SLC27A4: variants seen among roughly 807,000 people sequenced by gnomAD.
SLC27A4 encodes solute carrier family 27 member 4.
SLC27A4 carries 33 observed loss-of-function variants against 64.4 expected under a neutral mutation model. The observed-to-expected ratio is 0.51, with a 90% CI of 0.39 to 0.68. The LOEUF is 0.68. SLC27A4 is among the 30% of genes least tolerant of loss of function. The probability of loss-of-function intolerance (pLI) is 0.00; values close to 1 mark genes in which losing one functional copy is unlikely to be tolerated. For missense variants in SLC27A4, 824 were observed against 883.5 expected (o/e 0.93, Z 0.85); for synonymous variants, 377 against 370.0 (o/e 1.02, Z -0.22).
At position 128,360,409 on chromosome 9, in the gene SLC27A4, A is replaced by G. The variant is rs772501353; in HGVS notation, c.1850A>G (p.Tyr617Cys). Residue 617 changes from tyrosine to cysteine, a missense_variant, in exon 13 of 13, where the codon TAT becomes TGT. Physicochemically the swap from Tyr to Cys is radical, Grantham distance 194. Transcript: ENST00000300456. ...DPAIVKDPLF[Y>C]LDAQKGRYVP... is the part of the protein sequence containing the mutation. The stretch of plus-strand genomic sequence containing the variant: ...GCTATTGTGAAAGACCCGCTGTTCT[A>G]TCTAGATGCCCAGAAGGGCCGCTAC... The G allele has an allele frequency of 8.1e-6, 13 of 1,614,094 alleles. No individual in the cohort carries two copies. In the South Asian group the frequency reaches 1.1e-4, roughly 14 times the overall value.
Position 128,355,917 on chromosome 9 carries a change from ACCTG to A in SLC27A4, c.1774+126_1774+129del, listed in dbSNP as rs1482387235. ...GCCTGGCCGGGCAGTTGGTAAAGTG[ACCTG>A]CCTGTGTAGAGGTGAGCAGACGGGG... On this transcript the variant is annotated intron_variant, in intron 12 of 12. Coordinates refer to ENST00000300456, the MANE Select transcript of SLC27A4 (RefSeq NM_005094.4). 6.0e-6 allele frequency: 8 copies of A among 1,328,760 alleles called. No individual in the cohort carries two copies. In the African/African-American group the frequency reaches 1.0e-4, roughly 17 times the overall value. The allele number at this position is 1,328,760 out of a possible 1,614,324, so 82.3% of individuals were successfully genotyped here. A position where few individuals can be genotyped will look rare whatever the true frequency, so the allele number is the denominator to read the frequency against.
rs770914254 is a variant in SLC27A4, at chr9:128,355,797, G to T, written c.1774+1G>T. 3 of 1,612,964 alleles carry T rather than the reference G, an allele frequency of 1.9e-6. No homozygotes were observed. In the African/African-American group the frequency reaches 4.0e-5, roughly 22 times the overall value. ...CTCCTGCCTGAGCTGCACAAAACAG[G>T]TGTGTCCCTCCCCTGCTCCAGCTCT... On this transcript the variant is annotated splice_donor_variant, in intron 12 of 12. Coordinates refer to ENST00000300456, the MANE Select transcript of SLC27A4 (RefSeq NM_005094.4). LOFTEE classifies it high-confidence loss of function.
rs769493917 is a variant in SLC27A4 at position 128,348,625 on chromosome 9, C to T, written c.637C>T (p.Pro213Ser). 6.2e-7 allele frequency: 1 copy of T among 1,613,938 alleles called. No homozygotes were observed. The highest frequency in any genetic ancestry group is 2.2e-5 in the East Asian group (1 of 44,876). ...CTCCTGGGAGCCCGGTGCGGTGCCT[C>T]CAAGCACAGAACACCTGGACCCTCT... ...SGSWEPGAVP[P>S]STEHLDPLLK... The change falls in exon 4 of 13, where the codon CCA (proline) becomes TCA (serine). Residue 213 changes from proline to serine, a missense_variant. Physicochemically the swap from Pro to Ser is moderately conservative, Grantham distance 74. Transcript: ENST00000300456.
At chr9:128,355,932 G>A (rs1170718826) in intron 12 of SLC27A4, 136 bp downstream of exon 12, 2 of 1,160,372 alleles carry the variant, frequency 1.7e-6, no homozygotes, top group Admixed American at 3.6e-5. Flanking sequence ...CCTGTGTAGA[G>A]GTGAGCAGAC....
rs554396951 is a variant in SLC27A4, at chr9:128,357,631, C to G, written c.1774+1835C>G. Reference sequence around the variant, plus strand: ...GCAGTCGCCCACAAGGCAGCACCATCTTTCTATCTGTTGGCCCATTGGTGG... The same window carrying G: ...GCAGTCGCCCACAAGGCAGCACCATGTTTCTATCTGTTGGCCCATTGGTGG... On this transcript the variant is annotated intron_variant, in intron 12 of 12. Coordinates refer to ENST00000300456, the MANE Select transcript of SLC27A4 (RefSeq NM_005094.4). 4.7e-4 allele frequency among the ~76,000 whole-genome samples: 71 copies of G among 152,320 alleles called. 1 individual carries two copies. In the South Asian group the frequency reaches 0.012, roughly 26 times the overall value.
chr9:128,358,079 C>T (rs1250521702), intron 12 of SLC27A4, among the ~76,000 whole-genome samples: 1 of 152,176 alleles, frequency 6.6e-6, no homozygotes, highest in Non-Finnish European at 1.5e-5. Context: ...ACTTACTTGC[C>T]CCAAAATGGC....
intron 2 of SLC27A4, among the ~76,000 whole-genome samples, chr9:128,343,707 C>G (rs560699112): frequency 6.6e-6 from 1 of 152,318 alleles, no homozygotes; most frequent in Non-Finnish European, 1.5e-5. Flanking sequence ...AGCAGAGCCC[C>G]TACTCAGATG....
At position 128,355,180 on chromosome 9, in the gene SLC27A4, C is replaced by T; in HGVS notation, c.1452C>T (p.Ala484=). 1 of 1,613,632 alleles carries T rather than the reference C, an allele frequency of 6.2e-7. No individual in the cohort carries two copies. Among genetic ancestry groups the T allele is most frequent in the Non-Finnish European group, 8.5e-7 (1 of 1,179,846 alleles). ...AKDVFKKGDQ[A]YLTGDVLVMD... is the part of the protein sequence containing the mutation. The stretch of plus-strand genomic sequence containing the variant: ...ATGTCTTCAAGAAGGGGGACCAGGC[C>T]TACCTTACTGGTGGGTCCCCAGCCC... The change falls in exon 10 of 13, where the codon GCC becomes GCT. Residue 484 remains alanine (A), a synonymous_variant. Coordinates refer to ENST00000300456, the MANE Select transcript of SLC27A4 (RefSeq NM_005094.4).
At chr9:128,352,928 C>T in intron 7 of SLC27A4, 97 bp from the exon 8 acceptor site, 8 of 1,199,584 alleles carry the variant, frequency 6.7e-6, no homozygotes, top group Non-Finnish European at 9.7e-6. Flanking sequence ...ATGGCATGGC[C>T]AGCCCCTGGG....
At chr9:128,341,034 C>T (rs1832562955) in intron 1 of SLC27A4, among the ~76,000 whole-genome samples, 196 bp downstream of exon 1, 2 of 152,250 alleles carry the variant, frequency 1.3e-5, no homozygotes, top group South Asian at 2.1e-4. Flanking sequence ...AACTAGTCAC[C>T]CTCTTCTGGC....
Position 128,352,900 on chromosome 9 carries a change from G to A in SLC27A4, c.988-125G>A, listed in dbSNP as rs187935336. The A allele has an allele frequency of 5.5e-5, 60 of 1,086,362 alleles. 1 individual carries two copies. In the Admixed American group the frequency reaches 1.1e-3, roughly 20 times the overall value. The allele number at this position is 1,086,362 out of a possible 1,614,324, so 67.3% of individuals were successfully genotyped here. ...CCCATTGTTCAGATGGGAAGGCTGA[G>A]ACCCGGAGAGGGAAAGGATGGCATG... On this transcript the variant is annotated intron_variant, in intron 7 of 12. Coordinates refer to ENST00000300456, the MANE Select transcript of SLC27A4 (RefSeq NM_005094.4).
Position 128,351,018 on chromosome 9 carries a change from G to A in SLC27A4, c.877+443G>A, listed in dbSNP as rs528348967. Among the ~76,000 whole-genome samples the A allele has an allele frequency of 7.9e-5, 12 of 152,214 alleles. No homozygotes were observed. The South Asian group carries it at 8.3e-4, about 11-fold the overall frequency. The stretch of plus-strand genomic sequence containing the variant: ...TGAGGCAGGAGAATGGCGTGAACCC[G>A]GGAGGTGGAGCTTGCAGTGAGCCAA... On this transcript the variant is annotated intron_variant, in intron 6 of 12. Coordinates refer to ENST00000300456, the MANE Select transcript of SLC27A4 (RefSeq NM_005094.4).
At position 128,355,181 on chromosome 9, in the gene SLC27A4, T is replaced by TA; in HGVS notation, c.1454dup (p.Tyr485Ter). 6.2e-7 allele frequency: 1 copy of TA among 1,613,608 alleles called. No individual in the cohort carries two copies. The highest frequency in any genetic ancestry group is 8.5e-7 in the Non-Finnish European group (1 of 1,179,836). Residue 485 changes from tyrosine to a stop codon, truncating the protein, a stop_gained and frameshift_variant, in exon 10 of 13, where the codon TAC becomes TAAC. Transcript: ENST00000300456. LOFTEE classifies it high-confidence loss of function. ...TGTCTTCAAGAAGGGGGACCAGGCCTACCTTACTGGTGGGTCCCCAGCCCT... is the reference window on the plus strand; with the variant it reads ...TGTCTTCAAGAAGGGGGACCAGGCCTAACCTTACTGGTGGGTCCCCAGCCCT... ...KDVFKKGDQA[Y>*]LTGDVLVMDE...
chr9:128,349,825 C>T (rs1832707745), intron 4 of SLC27A4, among the ~76,000 whole-genome samples: 1 of 152,198 alleles, frequency 6.6e-6, no homozygotes, highest in Non-Finnish European at 1.5e-5. Context: ...CGGAAGCTAC[C>T]TCAACACCCC....
intron 9 of SLC27A4, among the ~76,000 whole-genome samples, chr9:128,354,005 A>G (rs1017099578): frequency 9.2e-5 from 14 of 151,670 alleles, no homozygotes; most frequent in Admixed American, 3.3e-4. Flanking sequence ...GGCCTCCCAA[A>G]GTGCTGGGAT....
At chr9:128,355,338 C>T in intron 10 of SLC27A4, 60 bp from the exon 11 acceptor site, 1 of 1,609,330 alleles carries the variant, frequency 6.2e-7, no homozygotes, top group Non-Finnish European at 8.5e-7. Context: ...GCCTCCCTGG[C>T]TTGAGCCCTG....
rs756231976 is a variant in SLC27A4, at chr9:128,360,396, G to A, written c.1837G>A (p.Asp613Asn). 1.2e-6 allele frequency: 2 copies of A among 1,614,194 alleles called. No individual in the cohort carries two copies. Among genetic ancestry groups the A allele is most frequent in the Non-Finnish European group, 1.7e-6 (2 of 1,180,042 alleles). ...GGGCTTTGACCCGGCTATTGTGAAA[G>A]ACCCGCTGTTCTATCTAGATGCCCA... The part of the protein sequence containing the change: ...KEGFDPAIVK[D>N]PLFYLDAQKG... The change falls in exon 13 of 13, where the codon GAC becomes AAC. Residue 613 changes from aspartate (D) to asparagine (N), a missense_variant. Coordinates refer to ENST00000300456, the MANE Select transcript of SLC27A4 (RefSeq NM_005094.4).
chr9:128,347,204 T>G (rs1224205885), intron 3 of SLC27A4, among the ~76,000 whole-genome samples: 1 of 152,236 alleles, frequency 6.6e-6, no homozygotes, highest in Non-Finnish European at 1.5e-5. Flanking sequence ...GTACTGAGGT[T>G]GCTGCTTTCC....
In SLC27A4 at chr9:128,340,752, A is replaced by C. The variant is rs1465822158; in HGVS notation, c.-93A>C. 2 of 661,438 alleles carry C rather than the reference A, an allele frequency of 3.0e-6. No homozygotes were observed. The highest frequency in any genetic ancestry group is 4.4e-5 in the Admixed American group (2 of 45,732). The allele number at this position is 661,438 out of a possible 1,614,324, so 41.0% of individuals were successfully genotyped here. A position where few individuals can be genotyped will look rare whatever the true frequency, so the allele number is the denominator to read the frequency against. ...TGCTGAGACCCGGCTCCGTGCGTCC[A>C]GGGGCGGCTAATGCCCCTCACGCTG... On this transcript the variant is annotated 5_prime_UTR_variant, in exon 1 of 13. Transcript: ENST00000300456.
Sources: allele counts gnomAD v4.1 joint callset (sites outside exome capture counted in the v4.1 genomes callset), GRCh38; gene constraint gnomAD v4.1.1; transcripts MANE v1.5; gene names NCBI Gene and HGNC (gene_info 2026-07-23, HGNC 2026-07-21).